The following PALS2 variants were observed in gnomAD, a reference collection of about 807,000 sequenced individuals.
The protein encoded by PALS2 is protein associated with LIN7 2, MAGUK p55 family member.
PALS2 carries 27 observed loss-of-function variants against 61.6 expected under a neutral mutation model. The observed-to-expected ratio is 0.44, with a 90% CI of 0.32 to 0.60. PALS2 has a LOEUF of 0.60. Ranked by LOEUF, PALS2 falls within the 20% of genes least tolerant of loss-of-function variation. The probability of loss-of-function intolerance (pLI) is 0.05; values close to 1 mark genes in which losing one functional copy is unlikely to be tolerated. For missense variants in PALS2, 554 were observed against 639.4 expected (o/e 0.87, Z 1.44); for synonymous variants, 236 against 218.6 (o/e 1.08, Z -0.70).
Position 24,666,077 on chromosome 7 carries a change from A to G in PALS2, c.940A>G (p.Thr314Ala), listed in dbSNP as rs1380323067. 6.2e-7 allele frequency: 1 copy of G among 1,611,184 alleles called. No individual in the cohort carries two copies. The highest frequency in any genetic ancestry group is 1.3e-5 in the African/African-American group (1 of 74,846). Residue 314 changes from threonine (T) to alanine (A), a missense_variant, in exon 8 of 12, where the codon ACC becomes GCC. Coordinates refer to ENST00000222644, the MANE Select transcript of PALS2 (RefSeq NM_001303037.2). Reference protein sequence around the residue: ...KKKKKMMYLTTRNAEFDRHEI... With the variant: ...KKKKKMMYLTARNAEFDRHEI... The stretch of plus-strand genomic sequence containing the variant: ...AAAGAAAAAGATGATGTATCTCACA[A>G]CCAGAAATGCAGGTAGGTTTTAAAT...
In PALS2 at chr7:24,654,210, T is replaced by TA. The variant is rs766083632; in HGVS notation, c.651+3511dup. On this transcript the variant is annotated intron_variant, in intron 5 of 11. Transcript: ENST00000222644. ...AACAAAGATAAAGCCTTTGCCTAGT[T>TA]AAAAAAAAAAAAAGAAACTAGAGAA... Among the ~76,000 whole-genome samples, 1,275 of 140,144 alleles carry TA rather than the reference T, an allele frequency of 9.1e-3. 14 individuals are homozygous for TA. Among genetic ancestry groups the TA allele is most frequent in the African/African-American group, 0.028 (1,080 of 38,540 alleles). The allele number at this position is 140,144 out of a possible 152,430, so 91.9% of individuals were successfully genotyped here. A position where few individuals can be genotyped will look rare whatever the true frequency, so the allele number is the denominator to read the frequency against.
At chr7:24,641,945 A>AT in intron 3 of PALS2, 77 bp downstream of exon 3, 1 of 1,468,812 alleles carries the variant, frequency 6.8e-7, no homozygotes, top group Non-Finnish European at 9.3e-7. Flanking sequence ...GTTTAAGGTG[A>AT]TGTTTTCTTC....
chr7:24,638,748 A>G (rs111253783), intron 2 of PALS2, among the ~76,000 whole-genome samples: 5 of 152,260 alleles, frequency 3.3e-5, no homozygotes, highest in African/African-American at 1.2e-4. Flanking sequence ...GCCTTCTCAC[A>G]TGACTCTCCC....
In PALS2 at chr7:24,647,154, T is replaced by A. The variant is rs183769096; in HGVS notation, c.271-2458T>A. Among the ~76,000 whole-genome samples the A allele has an allele frequency of 7.4e-3, 1,117 of 150,084 alleles. 8 individuals are homozygous for A. The highest frequency in any genetic ancestry group is 0.026 in the African/African-American group (1,039 of 40,616). ...TTGTTTTAATTTAATTTAATTAATT[T>A]TTTTTTTTTTTTGAGATGGAGTCAC... On this transcript the variant is annotated intron_variant, in intron 3 of 11. Transcript: ENST00000222644.
intron 3 of PALS2, among the ~76,000 whole-genome samples, chr7:24,649,038 C>A (rs1371848687): frequency 6.6e-6 from 1 of 151,512 alleles, no homozygotes; most frequent in African/African-American, 2.4e-5. Flanking sequence ...TTTTTTTGCT[C>A]AAAAAATGTT....
chr7:24,670,382 C>A (rs986053567), intron 9 of PALS2, among the ~76,000 whole-genome samples: 2 of 151,020 alleles, frequency 1.3e-5, no homozygotes, highest in Non-Finnish European at 1.5e-5. Context: ...CTCTGTCTTT[C>A]TGCTTCAATG....
intron 3 of PALS2, among the ~76,000 whole-genome samples, chr7:24,644,753 A>G (rs941519973): frequency 2.1e-4 from 32 of 152,142 alleles, no homozygotes; most frequent in African/African-American, 7.7e-4. Flanking sequence ...GCTAATATAC[A>G]TTCCCACCAA....
At chr7:24,645,975 G>T (rs1222926089) in intron 3 of PALS2, among the ~76,000 whole-genome samples, 1 of 152,102 alleles carries the variant, frequency 6.6e-6, no homozygotes, top group African/African-American at 2.4e-5. Flanking sequence ...TTTGTATCCT[G>T]CAAAATTTGT....
chr7:24,643,309 G>T (rs903132255), intron 3 of PALS2, among the ~76,000 whole-genome samples: 4 of 152,058 alleles, frequency 2.6e-5, no homozygotes, highest in Non-Finnish European at 5.9e-5. Context: ...ATTATATGAA[G>T]TGTAGCATAT....
chr7:24,593,509 G>A (rs1027818228), intron 1 of PALS2, among the ~76,000 whole-genome samples: 3 of 152,094 alleles, frequency 2.0e-5, no homozygotes, highest in Non-Finnish European at 4.4e-5. Context: ...ATCTATGGCA[G>A]CTATCGTCTT....
chr7:24,675,047 T>A (rs543550205), intron 9 of PALS2, among the ~76,000 whole-genome samples: 2 of 152,326 alleles, frequency 1.3e-5, no homozygotes, highest in African/African-American at 4.8e-5. Flanking sequence ...TTCTCTGTTC[T>A]AGAAATGGAA....
chr7:24,598,548 A>G (rs963585710), intron 1 of PALS2, among the ~76,000 whole-genome samples: 3 of 152,370 alleles, frequency 2.0e-5, no homozygotes, highest in Non-Finnish European at 4.4e-5. Context: ...TAAGTTTCTT[A>G]TAACCAGAAG....
At chr7:24,601,510 C>T (rs34418982) in intron 1 of PALS2, among the ~76,000 whole-genome samples, 4 of 151,988 alleles carry the variant, frequency 2.6e-5, no homozygotes, top group African/African-American at 9.7e-5. Flanking sequence ...TGTCACCGAT[C>T]TTCTTAGAAA....
chr7:24,589,498 G>A (rs1244504357), intron 1 of PALS2: 3 of 152,164 alleles, frequency 2.0e-5, no homozygotes, highest in Non-Finnish European at 2.9e-5. Flanking sequence ...AAGTAAGCCT[G>A]TTTTAATTCT....
intron 1 of PALS2, among the ~76,000 whole-genome samples, chr7:24,580,882 C>T (rs974018089): frequency 6.6e-6 from 1 of 152,148 alleles, no homozygotes; most frequent in Non-Finnish European, 1.5e-5. Context: ...GTTAAATGCT[C>T]TCCACACATT....
chr7:24,649,829 T>C, intron 4 of PALS2, 65 bp downstream of exon 4: 1 of 1,365,380 alleles, frequency 7.3e-7, no homozygotes, highest in Non-Finnish European at 9.7e-7. Context: ...GTTCAGTCAC[T>C]ACTCTGTTTC....
At chr7:24,665,818 C>G in intron 7 of PALS2, 131 bp downstream of exon 7, 1 of 977,272 alleles carries the variant, frequency 1.0e-6, no homozygotes, top group Non-Finnish European at 1.5e-6. Flanking sequence ...CTTTCTCTCG[C>G]TCATAAGTAA....
Position 24,580,694 on chromosome 7 carries a change from CAT to C in PALS2, c.-3+7102_-3+7103del, listed in dbSNP as rs145433551. ...ATACAACTGGCAAGTACACTCATCA[CAT>C]GAGTAGATGATTTATGTGTTTTCGT... On this transcript the variant is annotated intron_variant, in intron 1 of 11. Transcript: ENST00000222644. 5.2e-3 allele frequency among the ~76,000 whole-genome samples: 789 copies of C among 152,332 alleles called. 6 individuals carry two copies. Among genetic ancestry groups the C allele is most frequent in the African/African-American group, 0.017 (721 of 41,580 alleles).
chr7:24,647,338 A>C (rs920707935), intron 3 of PALS2, among the ~76,000 whole-genome samples: 3 of 151,916 alleles, frequency 2.0e-5, no homozygotes, highest in Non-Finnish European at 4.4e-5. Context: ...TAGTAGAGAC[A>C]GTGTTTCACT....
Sources: gnomAD v4.1 joint callset for allele counts (sites outside exome capture counted in the v4.1 genomes callset) on GRCh38, gnomAD v4.1.1 for gene constraint, MANE v1.5 for transcripts, NCBI Gene and HGNC (gene_info 2026-07-23, HGNC 2026-07-21) for gene names.